MTUS2: variants seen among roughly 807,000 people sequenced by gnomAD.
MTUS2 encodes the protein microtubule associated scaffold protein 2, also known as microtubule-associated tumor suppressor candidate 2.
A neutral mutation model predicts 114.1 loss-of-function variants in MTUS2; 40 were observed. The observed-to-expected ratio is 0.35, with a 90% CI of 0.27 to 0.46. The LOEUF (loss-of-function observed/expected upper bound fraction) is 0.46, where lower values mean the gene tolerates loss of function less well. Among genes scored for constraint, MTUS2 ranks in the 20% least tolerant of loss-of-function variants. The probability of loss-of-function intolerance (pLI) is 1.00; values close to 1 mark genes in which losing one functional copy is unlikely to be tolerated. For synonymous variants in MTUS2, 688 were observed against 672.0 expected, an observed-to-expected ratio of 1.02 and a Z score of -0.37; for missense variants, 1,679 against 1,705.4, an observed-to-expected ratio of 0.98 and a Z score of 0.27.
intron 2 of MTUS2, among the ~76,000 whole-genome samples, chr13:28,866,591 ATACT>A (rs1877310992): frequency 6.6e-6 from 1 of 152,190 alleles, no homozygotes; most frequent in African/African-American, 2.4e-5. Flanking sequence ...TTTGAGATAA[ATACT>A]TACATTTATT....
intron 8 of MTUS2, among the ~76,000 whole-genome samples, chr13:29,372,165 C>T (rs879649356): frequency 2.0e-5 from 3 of 150,900 alleles, no homozygotes; most frequent in Non-Finnish European, 4.4e-5. Flanking sequence ...AAAGACTTCA[C>T]GAGGGTCCCC....
chr13:28,837,671 G>A (rs1014411514), intron 1 of MTUS2, among the ~76,000 whole-genome samples: 1 of 152,174 alleles, frequency 6.6e-6, no homozygotes, highest in Non-Finnish European at 1.5e-5. Context: ...ACAATGTGAA[G>A]TATAATTCCA....
At chr13:29,275,287 T>A (rs1306989732) in intron 5 of MTUS2, among the ~76,000 whole-genome samples, 1 of 152,248 alleles carries the variant, frequency 6.6e-6, no homozygotes, top group African/African-American at 2.4e-5. Context: ...ACATGAGATA[T>A]TTTGATACAG....
At chr13:28,830,209 GT>G (rs1874570776) in intron 1 of MTUS2, among the ~76,000 whole-genome samples, 1 of 152,030 alleles carries the variant, frequency 6.6e-6, no homozygotes, top group South Asian at 2.1e-4. Flanking sequence ...TTATTTCTAG[GT>G]TGCCATATTT....
At chr13:29,478,311 A>G (rs1253732494) in intron 9 of MTUS2, among the ~76,000 whole-genome samples, 1 of 152,190 alleles carries the variant, frequency 6.6e-6, no homozygotes, top group African/African-American at 2.4e-5. Context: ...TTTTCATGAC[A>G]GTGCGGTGGT....
intron 5 of MTUS2, among the ~76,000 whole-genome samples, chr13:29,241,228 C>T (rs17073123): frequency 0.064 from 9,774 of 152,234 alleles, 335 homozygotes; most frequent in Middle Eastern, 0.078. Context: ...GAGCAAACCA[C>T]TTACCTCTGT....
At chr13:28,981,264 C>A (rs1884347708) in intron 2 of MTUS2, among the ~76,000 whole-genome samples, 1 of 151,960 alleles carries the variant, frequency 6.6e-6, no homozygotes, top group African/African-American at 2.4e-5. Flanking sequence ...TAATCTCAAA[C>A]AAATTAGATA....
chr13:28,934,599 C>T (rs1881791640), intron 2 of MTUS2, among the ~76,000 whole-genome samples: 1 of 152,174 alleles, frequency 6.6e-6, no homozygotes, highest in Admixed American at 6.5e-5. Flanking sequence ...TCTCAGATCA[C>T]TGCAACCTTC....
At chr13:28,852,002 C>T (rs908697933) in intron 2 of MTUS2, among the ~76,000 whole-genome samples, 1 of 152,164 alleles carries the variant, frequency 6.6e-6, no homozygotes, top group Non-Finnish European at 1.5e-5. Flanking sequence ...GGGACTTGAA[C>T]CCCACATCTA....
At chr13:29,038,040 A>G (rs907150506) in intron 4 of MTUS2, among the ~76,000 whole-genome samples, 1 of 152,058 alleles carries the variant, frequency 6.6e-6, no homozygotes, top group Non-Finnish European at 1.5e-5. Context: ...TTCTCCATCC[A>G]GTTTTGCTCC....
chr13:29,408,148 C>G (rs1874930060), intron 8 of MTUS2, among the ~76,000 whole-genome samples: 1 of 151,756 alleles, frequency 6.6e-6, no homozygotes, highest in Admixed American at 6.6e-5. Context: ...TTTTTAGTGT[C>G]TTTTCTAAAC....
rs1225566206 is a variant in MTUS2 at position 29,389,619 on chromosome 13, GTA to G, written c.3117+30152_3117+30153del. 6.3e-5 allele frequency among the ~76,000 whole-genome samples: 3 copies of G among 47,874 alleles called. 1 individual carries two copies. Among genetic ancestry groups the G allele is most frequent in the East Asian group, 5.7e-4 (1 of 1,742 alleles). 31.4% of individuals were successfully genotyped at this position (47,874 alleles called of 152,430 possible). A position where few individuals can be genotyped will look rare whatever the true frequency, so the allele number is the denominator to read the frequency against. The stretch of plus-strand genomic sequence containing the variant: ...TGTGTGTATACGTATACATATGTGT[GTA>G]TATATGTATACACATATGTGTATGT... On this transcript the variant is annotated intron_variant, in intron 8 of 15. Transcript: ENST00000612955.
intron 2 of MTUS2, among the ~76,000 whole-genome samples, chr13:29,009,180 ATC>A (rs2138414313): frequency 6.6e-6 from 1 of 151,850 alleles, no homozygotes; most frequent in South Asian, 2.1e-4. Context: ...GGACACTCTT[ATC>A]TCTCTGAAAA....
At chr13:29,436,944 A>G (rs80224228) in intron 8 of MTUS2, among the ~76,000 whole-genome samples, 1 of 152,110 alleles carries the variant, frequency 6.6e-6, no homozygotes, top group Non-Finnish European at 1.5e-5. Context: ...CCAAAGTGAT[A>G]CAAGTCTGAA....
chr13:28,899,161 C>T (rs1167324715), intron 2 of MTUS2, among the ~76,000 whole-genome samples: 4 of 152,160 alleles, frequency 2.6e-5, no homozygotes, highest in East Asian at 3.8e-4. Context: ...TCTCACGTAC[C>T]GTTTTCCTCA....
intron 2 of MTUS2, among the ~76,000 whole-genome samples, chr13:28,966,890 G>A (rs1483532736): frequency 1.3e-5 from 2 of 152,148 alleles, no homozygotes; most frequent in African/African-American, 4.8e-5. Flanking sequence ...CTTGATTTGA[G>A]GGATAATCTT....
At chr13:28,844,401 C>CTG (rs141022118) in intron 2 of MTUS2, among the ~76,000 whole-genome samples, 4 of 151,672 alleles carry the variant, frequency 2.6e-5, no homozygotes, top group Admixed American at 6.6e-5. Flanking sequence ...TTTTAAAATG[C>CTG]TGTGTGTGTG....
At chr13:28,830,888 A>G (rs1874625225) in intron 1 of MTUS2, among the ~76,000 whole-genome samples, 1 of 152,182 alleles carries the variant, frequency 6.6e-6, no homozygotes, top group Non-Finnish European at 1.5e-5. Context: ...CTGAAAGACA[A>G]AAAAACTGTC....
intron 4 of MTUS2, among the ~76,000 whole-genome samples, chr13:29,064,478 AC>A (rs35109446): frequency 0.98 from 147,449 of 150,482 alleles, 72,275 homozygotes; most frequent in Non-Finnish European, 1. Context: ...TTTTGAAGAG[AC>A]AGTTCTGAGC....
Sources: allele counts gnomAD v4.1 joint callset (sites outside exome capture counted in the v4.1 genomes callset), GRCh38; gene constraint gnomAD v4.1.1; transcripts MANE v1.5; gene names NCBI Gene and HGNC (gene_info 2026-07-23, HGNC 2026-07-21).